The following DLG2 variants were observed in gnomAD, a reference collection of about 807,000 sequenced individuals.
DLG2 encodes disks large homolog 2.
DLG2 carries 45 observed loss-of-function variants against 132.5 expected under a neutral mutation model. That is an observed-to-expected ratio of 0.34 (90% CI 0.27 to 0.44). The LOEUF (loss-of-function observed/expected upper bound fraction) is 0.44. Ranked by LOEUF, DLG2 falls within the 20% of genes least tolerant of loss-of-function variation. The pLI, the probability that DLG2 is intolerant of heterozygous loss-of-function variation, is 1.00. For synonymous variants in DLG2, 424 were observed against 419.6 expected, an observed-to-expected ratio of 1.01 and a Z score of -0.13; for missense variants, 1,045 against 1,196.9, an observed-to-expected ratio of 0.87 and a Z score of 1.87.
At chr11:84,107,801 G>GGA (rs1235587559) in intron 9 of DLG2, among the ~76,000 whole-genome samples, 1 of 152,128 alleles carries the variant, frequency 6.6e-6, no homozygotes. Flanking sequence ...TTAGAAGTCA[G>GGA]GACATCAGAG....
chr11:83,466,415 CAAAG>C (rs2091050392), intron 26 of DLG2, among the ~76,000 whole-genome samples: 1 of 151,840 alleles, frequency 6.6e-6, no homozygotes. Flanking sequence ...CAAAAACTAA[CAAAG>C]AAAACAATCC....
chr11:84,057,337 G>T (rs771954483), intron 11 of DLG2, among the ~76,000 whole-genome samples: 29 of 152,110 alleles, frequency 1.9e-4, no homozygotes, highest in Non-Finnish European at 3.4e-4. Context: ...GTTAAAATTA[G>T]TATTTGTCTT....
At chr11:84,521,491 A>G (rs1263232832) in intron 7 of DLG2, among the ~76,000 whole-genome samples, 1 of 152,206 alleles carries the variant, frequency 6.6e-6, no homozygotes, top group African/African-American at 2.4e-5. Flanking sequence ...AGTAATTACA[A>G]TATGTTATTC....
At chr11:83,997,649 T>G (rs1280092340) in intron 11 of DLG2, among the ~76,000 whole-genome samples, 2 of 137,702 alleles carry the variant, frequency 1.5e-5, no homozygotes, top group Admixed American at 8.8e-5. Context: ...AAGAATTGCT[T>G]GAACCCAGGA....
At chr11:83,485,575 G>C (rs1161798325) in intron 21 of DLG2, among the ~76,000 whole-genome samples, 1 of 152,104 alleles carries the variant, frequency 6.6e-6, no homozygotes, top group African/African-American at 2.4e-5. Flanking sequence ...AAGGCAATTT[G>C]AAAACAGGTA....
At chr11:84,272,429 T>C (rs756326318) in intron 7 of DLG2, 7 of 259,990 alleles carry the variant, frequency 2.7e-5, no homozygotes, top group Non-Finnish European at 4.8e-5. Flanking sequence ...GTGATCTCAA[T>C]TCTTCAAAGT....
intron 6 of DLG2, among the ~76,000 whole-genome samples, chr11:84,927,247 T>C (rs538096448): frequency 6.6e-6 from 1 of 152,196 alleles, no homozygotes; most frequent in African/African-American, 2.4e-5. Flanking sequence ...AGACATCTTT[T>C]TCCTAATCTA....
At chr11:84,260,586 A>T (rs533987302) in intron 7 of DLG2, among the ~76,000 whole-genome samples, 41 of 152,328 alleles carry the variant, frequency 2.7e-4, no homozygotes, top group African/African-American at 9.9e-4. Context: ...TGATTAACCA[A>T]CTACCTACTG....
chr11:85,520,756 C>G (rs2153176277), intron 3 of DLG2, among the ~76,000 whole-genome samples: 1 of 152,140 alleles, frequency 6.6e-6, no homozygotes, highest in Middle Eastern at 3.4e-3. Flanking sequence ...AGAACATACA[C>G]TGAAGAAAGG....
intron 7 of DLG2, among the ~76,000 whole-genome samples, chr11:84,490,457 A>T (rs1366493540): frequency 1.3e-5 from 2 of 152,050 alleles, no homozygotes; most frequent in African/African-American, 4.8e-5. Context: ...CAATATCCTT[A>T]TGTGAAAAGC....
chr11:83,735,018 C>T (rs896013480), intron 18 of DLG2, among the ~76,000 whole-genome samples: 2 of 151,966 alleles, frequency 1.3e-5, no homozygotes, highest in Non-Finnish European at 2.9e-5. Context: ...GTCTTGTCAC[C>T]TTTGTGTAGG....
At chr11:85,394,497 T>C (rs2087107384) in intron 3 of DLG2, among the ~76,000 whole-genome samples, 1 of 152,214 alleles carries the variant, frequency 6.6e-6, no homozygotes, top group Non-Finnish European at 1.5e-5. Flanking sequence ...CTGCAGCAGA[T>C]GTCAGGCCCC....
Position 83,825,987 on chromosome 11 carries a change from T to C in DLG2, c.1722+7627A>G, listed in dbSNP as rs543442528. Among the ~76,000 whole-genome samples, 11 of 152,172 alleles carry C rather than the reference T, an allele frequency of 7.2e-5. No homozygotes were observed. The East Asian group carries it at 2.1e-3, about 29-fold the overall frequency. On this transcript the variant is annotated intron_variant, in intron 17 of 27. Transcript: ENST00000376104. ...GAAGCATCAGTGAGAGTAGGGGAAG[T>C]ATTGTGGATGGGGCAGGCTGTCCAG...
chr11:84,808,207 A>T (rs1005397817), intron 6 of DLG2, among the ~76,000 whole-genome samples: 2 of 152,098 alleles, frequency 1.3e-5, no homozygotes, highest in African/African-American at 4.8e-5. Flanking sequence ...GTGCTTGGAA[A>T]CTAAAAACCA....
intron 4 of DLG2, among the ~76,000 whole-genome samples, chr11:85,160,564 T>C (rs139694250): frequency 6.6e-6 from 1 of 152,300 alleles, no homozygotes; most frequent in East Asian, 1.9e-4. Context: ...AACTAAATGC[T>C]TTCTGACCCA....
intron 3 of DLG2, among the ~76,000 whole-genome samples, chr11:85,454,509 G>A (rs772323436): frequency 2.6e-5 from 4 of 151,740 alleles, no homozygotes; most frequent in South Asian, 2.1e-4. Flanking sequence ...ATAGTTTCTC[G>A]TGCTGTGCAA....
intron 6 of DLG2, among the ~76,000 whole-genome samples, chr11:84,867,648 C>T (rs1332813020): frequency 6.6e-6 from 1 of 152,180 alleles, no homozygotes; most frequent in Non-Finnish European, 1.5e-5. Flanking sequence ...AATACGGCCA[C>T]TTAGTAGAAA....
intron 3 of DLG2, among the ~76,000 whole-genome samples, chr11:85,393,929 G>A (rs1394569390): frequency 6.6e-6 from 1 of 152,024 alleles, no homozygotes; most frequent in Non-Finnish European, 1.5e-5. Flanking sequence ...GAGGGATGAA[G>A]AATAAAAGAC....
At chr11:85,385,567 G>A (rs1481759581) in intron 3 of DLG2, among the ~76,000 whole-genome samples, 2 of 152,154 alleles carry the variant, frequency 1.3e-5, no homozygotes, top group African/African-American at 4.8e-5. Context: ...AGGATCAGAT[G>A]TCTCATGCAA....
Sources: gnomAD v4.1 joint callset for allele counts (sites outside exome capture counted in the v4.1 genomes callset) on GRCh38, gnomAD v4.1.1 for gene constraint, MANE v1.5 for transcripts, NCBI Gene and HGNC (gene_info 2026-07-23, HGNC 2026-07-21) for gene names.